Variants in GRIN2D observed in about 807,000 individuals in gnomAD.
GRIN2D encodes the protein glutamate receptor ionotropic, NMDA 2D.
In GRIN2D, 37 loss-of-function variants were observed where a neutral mutation model predicts 103.2. The observed-to-expected ratio is 0.36, with a 90% CI of 0.28 to 0.47. GRIN2D has a LOEUF of 0.47. Among genes scored for constraint, GRIN2D ranks in the 20% least tolerant of loss-of-function variants. The probability of loss-of-function intolerance (pLI) is 1.00; values close to 1 mark genes in which losing one functional copy is unlikely to be tolerated. For missense variants in GRIN2D, 1,557 were observed against 1,910.6 expected, an observed-to-expected ratio of 0.81 and a Z score of 3.45; for synonymous variants, 845 against 885.6, an observed-to-expected ratio of 0.95 and a Z score of 0.81.
intron 11 of GRIN2D, among the ~76,000 whole-genome samples, chr19:48,431,505 C>T (rs2147466090): frequency 6.6e-6 from 1 of 152,056 alleles, no homozygotes; most frequent in Non-Finnish European, 1.5e-5. Flanking sequence ...GATTCCTATG[C>T]CTTTGTATGT....
chr19:48,401,980 A>G (rs1156480548), intron 3 of GRIN2D, among the ~76,000 whole-genome samples: 3 of 152,124 alleles, frequency 2.0e-5, no homozygotes, highest in Admixed American at 6.6e-5. Flanking sequence ...CATGCATGTA[A>G]TCCCAGCTAC....
At chr19:48,427,589 C>T (rs1261173458) in intron 11 of GRIN2D, among the ~76,000 whole-genome samples, 3 of 143,438 alleles carry the variant, frequency 2.1e-5, no homozygotes, top group Non-Finnish European at 4.5e-5. Flanking sequence ...AAGCAATTCT[C>T]TGCCTCAGCC....
Position 48,440,225 on chromosome 19 carries a change from T to G in GRIN2D, c.2253-1544T>G, listed in dbSNP as rs55881741. ...AAACTCGGTCTCAAGAAAAAAAAAA[T>G]AAATAAATAAATAAATCAGGGCCTA... On this transcript the variant is annotated intron_variant, in intron 11 of 13. Transcript: ENST00000263269. Among the ~76,000 whole-genome samples the G allele has an allele frequency of 9.9e-4, 149 of 150,560 alleles. 1 individual carries two copies. The highest frequency in any genetic ancestry group is 3.1e-3 in the African/African-American group (128 of 40,912).
Position 48,443,351 on chromosome 19 carries a change from C to T in GRIN2D, c.3425C>T (p.Ala1142Val), listed in dbSNP as rs536539157. The change falls in exon 14 of 14, where the codon GCC becomes GTC. Residue 1142 changes from alanine (A) to valine (V), a missense_variant. Transcript: ENST00000263269. This position sits in a 1 kb window ranked among gnomAD's most constrained non-coding sequence, Gnocchi z 8.9. Reference sequence around the variant, plus strand: ...TTCGCCGACTTCCCTTACCCGTATGCCGAGCGCCTCGGGCCGCCGCCCGGC... The same window carrying T: ...TTCGCCGACTTCCCTTACCCGTATGTCGAGCGCCTCGGGCCGCCGCCCGGC... ...WWFADFPYPYAERLGPPPGRY... is the reference protein window; with the variant it reads ...WWFADFPYPYVERLGPPPGRY... 7 of 1,513,492 alleles carry T rather than the reference C, an allele frequency of 4.6e-6. No homozygotes were observed. The South Asian group carries it at 6.1e-5, about 13-fold the overall frequency. The allele number at this position is 1,513,492 out of a possible 1,614,324, so 93.8% of individuals were successfully genotyped here. A position where few individuals can be genotyped will look rare whatever the true frequency, so the allele number is the denominator to read the frequency against.
rs1486952875 is a variant in GRIN2D, at chr19:48,394,349, GGCAA to G, written c.-305-305_-305-302del. 6.6e-6 allele frequency among the ~76,000 whole-genome samples: 1 copy of G among 151,294 alleles called. No individual in the cohort carries two copies. The highest frequency in any genetic ancestry group is 1.5e-5 in the Non-Finnish European group (1 of 67,844). ...TCTAGAGGTGGCCAAGCGAGGAAGG[GGCAA>G]GCAGTTCCCCAAGCAGGCAATCTCC... On this transcript the variant is annotated intron_variant, in intron 1 of 13. Coordinates refer to ENST00000263269, the MANE Select transcript of GRIN2D (RefSeq NM_000836.4). The surrounding 1 kb of genome is among the most constrained non-coding windows in gnomAD (Gnocchi z 5.1).
chr19:48,422,052 C>A, intron 11 of GRIN2D, 107 bp downstream of exon 11: 1 of 1,135,424 alleles, frequency 8.8e-7, no homozygotes, highest in Non-Finnish European at 1.3e-6. Flanking sequence ...AGAGGTCAGC[C>A]CTGGGTGGGT....
intron 11 of GRIN2D, among the ~76,000 whole-genome samples, chr19:48,441,362 CAAAA>C (rs1173219939): frequency 1.1e-4 from 14 of 127,304 alleles, no homozygotes; most frequent in South Asian, 2.4e-4. Context: ...GACTCTGTCT[CAAAA>C]AAAAAAAAAA....
Position 48,404,960 on chromosome 19 carries a change from T to C in GRIN2D, c.692T>C (p.Val231Ala). 6.2e-7 allele frequency: 1 copy of C among 1,612,562 alleles called. No individual in the cohort carries two copies. Among genetic ancestry groups the C allele is most frequent in the Non-Finnish European group, 8.5e-7 (1 of 1,179,604 alleles). The change falls in exon 4 of 14, where the codon GTG becomes GCG. Residue 231 changes from valine (V) to alanine (A), a missense_variant. Val to Ala is a moderately conservative substitution (Grantham distance 64). Transcript: ENST00000263269. ...LTLDPGAGEA[V>A]LSAQLRSVSA... ...CTGGACCCTGGGGCGGGCGAGGCCGTGCTCAGTGCCCAGCTCCGCAGTGTC... is the reference window on the plus strand; with the variant it reads ...CTGGACCCTGGGGCGGGCGAGGCCGCGCTCAGTGCCCAGCTCCGCAGTGTC...
rs1442803266 is a variant in GRIN2D at position 48,394,553 on chromosome 19, G to A, written c.-305-105G>A. ...AGGGGGGAGGAGCCGGGGCTGAAGC[G>A]GCAGAGGGGGGCACCCCGGGTGGGC... is the stretch of plus-strand genomic sequence containing the variant. On this transcript the variant is annotated intron_variant, in intron 1 of 13. Coordinates refer to ENST00000263269, the MANE Select transcript of GRIN2D (RefSeq NM_000836.4). This position sits in a 1 kb window ranked among gnomAD's most constrained non-coding sequence, Gnocchi z 5.1. 2.0e-5 allele frequency among the ~76,000 whole-genome samples: 3 copies of A among 149,110 alleles called. No homozygotes were observed. The highest frequency in any genetic ancestry group is 4.9e-5 in the African/African-American group (2 of 40,480).
In GRIN2D at chr19:48,414,942, T is replaced by C; in HGVS notation, c.1491T>C (p.His497=). 6.2e-7 allele frequency: 1 copy of C among 1,614,004 alleles called. No homozygotes were observed. The highest frequency in any genetic ancestry group is 8.5e-7 in the Non-Finnish European group (1 of 1,179,978). The part of the protein sequence containing the change: ...FCIDILKRLA[H]TIGFSYDLYL... Reference sequence around the variant, plus strand: ...TCGACATTCTGAAGCGGCTGGCGCATACCATCGGCTTCAGCTACGACCTCT... The same window carrying C: ...TCGACATTCTGAAGCGGCTGGCGCACACCATCGGCTTCAGCTACGACCTCT... The change falls in exon 7 of 14, where the codon CAT becomes CAC. Residue 497 remains histidine, a synonymous_variant. Transcript: ENST00000263269. The surrounding 1 kb of genome is among the most constrained non-coding windows in gnomAD (Gnocchi z 4.6).
chr19:48,415,639 T>G (rs1600979494), intron 7 of GRIN2D, among the ~76,000 whole-genome samples: 1 of 58,106 alleles, frequency 1.7e-5, no homozygotes, highest in African/African-American at 7.0e-5. Context: ...AGGGTGGGAC[T>G]CCTAGGGGAA....
intron 11 of GRIN2D, among the ~76,000 whole-genome samples, chr19:48,439,631 A>G (rs927347233): frequency 2.0e-5 from 3 of 152,268 alleles, no homozygotes; most frequent in African/African-American, 7.2e-5. Context: ...ACCAAGTCTT[A>G]GAAATCAGGG....
chr19:48,412,479 A>AAGAAAGAAAGAG (rs1555892674), intron 4 of GRIN2D, among the ~76,000 whole-genome samples: 2 of 136,798 alleles, frequency 1.5e-5, no homozygotes, highest in Non-Finnish European at 3.2e-5. Flanking sequence ...GAAAGAAAGA[A>AAGAAAGAAAGAG]AGAGAGAGAA....
At chr19:48,438,338 G>A (rs1316762718) in intron 11 of GRIN2D, among the ~76,000 whole-genome samples, 4 of 112,038 alleles carry the variant, frequency 3.6e-5, no homozygotes, top group East Asian at 2.9e-4. Context: ...TTGCTCTGTC[G>A]CCCAGGCTGG....
At position 48,430,681 on chromosome 19, in the gene GRIN2D, T is replaced by A. The variant is rs533035831; in HGVS notation, c.2252+8736T>A. Among the ~76,000 whole-genome samples the A allele has an allele frequency of 1.2e-3, 189 of 152,320 alleles. 2 individuals carry two copies. Among genetic ancestry groups the A allele is most frequent in the African/African-American group, 4.4e-3 (181 of 41,574 alleles). On this transcript the variant is annotated intron_variant, in intron 11 of 13. Coordinates refer to ENST00000263269, the MANE Select transcript of GRIN2D (RefSeq NM_000836.4). Reference sequence around the variant, plus strand: ...TCCTTTTTCAGTTGCTTCATGGCTGTGTTTTCTTTGTGGTTAACTAATTCA... The same window carrying A: ...TCCTTTTTCAGTTGCTTCATGGCTGAGTTTTCTTTGTGGTTAACTAATTCA...
chr19:48,420,324 A>T lies in GRIN2D; in HGVS notation c.2091+510A>T, dbSNP rs570696546. On this transcript the variant is annotated intron_variant, in intron 10 of 13. Coordinates refer to ENST00000263269, the MANE Select transcript of GRIN2D (RefSeq NM_000836.4). ...GCACCTGTAGTCCCAGCTACCCGGG[A>T]GGCTGAGGCAGGAGAATGGCGTGAA... 7.0e-4 allele frequency among the ~76,000 whole-genome samples: 106 copies of T among 152,010 alleles called. 1 individual carries two copies. Among genetic ancestry groups the T allele is most frequent in the African/African-American group, 2.5e-3 (103 of 41,470 alleles).
rs1007156479 is a variant in GRIN2D, at chr19:48,421,026, T to G, written c.2092-759T>G. 1.3e-5 allele frequency among the ~76,000 whole-genome samples: 2 copies of G among 152,188 alleles called. No homozygotes were observed. On this transcript the variant is annotated intron_variant, in intron 10 of 13. Transcript: ENST00000263269. The surrounding 1 kb of genome is among the most constrained non-coding windows in gnomAD (Gnocchi z 4.8). The stretch of plus-strand genomic sequence containing the variant: ...TTAACTAGCTGGGTGTCATGACCTA[T>G]TAGAGGCTTGAGAAATCAGTTTGAT...
rs1447126523 is a variant in GRIN2D at position 48,442,961 on chromosome 19, G to C, written c.3035G>C (p.Arg1012Pro). The C allele has an allele frequency of 2.6e-6, 3 of 1,142,950 alleles. No homozygotes were observed. The highest frequency in any genetic ancestry group is 3.8e-5 in the Admixed American group (1 of 26,644). 70.8% of individuals were successfully genotyped at this position (1,142,950 alleles called of 1,614,324 possible). A position where few individuals can be genotyped will look rare whatever the true frequency, so the allele number is the denominator to read the frequency against. The change falls in exon 14 of 14, where the codon CGC becomes CCC. Residue 1012 changes from arginine (R) to proline (P), a missense_variant. By Grantham distance (103) the Arg-to-Pro change is moderately radical. This residue lies in a region of GRIN2D where 632 missense variants were observed against 572.8 expected (regional missense o/e 1.10). Transcript: ENST00000263269. This position sits in a 1 kb window ranked among gnomAD's most constrained non-coding sequence, Gnocchi z 7.2. ...CCGCCCTCCTATTTCGCCATCGTACGCGACAAGGAGCCAGCCGAGCCCCCC... is the reference window on the plus strand; with the variant it reads ...CCGCCCTCCTATTTCGCCATCGTACCCGACAAGGAGCCAGCCGAGCCCCCC... Reference protein sequence around the residue: ...KPPPSYFAIVRDKEPAEPPAG... With the variant: ...KPPPSYFAIVPDKEPAEPPAG...
chr19:48,427,665 G>C (rs1309712518), intron 11 of GRIN2D, among the ~76,000 whole-genome samples: 3 of 150,132 alleles, frequency 2.0e-5, no homozygotes, highest in Non-Finnish European at 4.4e-5. Context: ...TTTTAGTAGA[G>C]ATGGGGTTTC....
Sources: allele counts gnomAD v4.1 joint callset (sites outside exome capture counted in the v4.1 genomes callset), GRCh38; gene constraint gnomAD v4.1.1; regional missense constraint gnomAD v4.1.1; non-coding constraint Gnocchi (gnomAD v3.1); transcripts MANE v1.5; gene names NCBI Gene and HGNC (gene_info 2026-07-23, HGNC 2026-07-21).